The following GRID2 variants were observed in gnomAD, a reference collection of about 807,000 sequenced individuals.
The protein encoded by GRID2 is glutamate receptor ionotropic, delta-2.
In GRID2, 33 loss-of-function variants were observed where a neutral mutation model predicts 114.8. That is an observed-to-expected ratio of 0.29 (90% CI 0.22 to 0.38). The LOEUF (loss-of-function observed/expected upper bound fraction) is 0.38, where lower values mean the gene tolerates loss of function less well. Among genes scored for constraint, GRID2 ranks in the 10% least tolerant of loss-of-function variants. The probability of loss-of-function intolerance (pLI) is 1.00; values close to 1 mark genes in which losing one functional copy is unlikely to be tolerated. For missense variants in GRID2, 1,184 were observed against 1,257.7 expected (o/e 0.94, Z 0.89); for synonymous variants, 505 against 449.9 (o/e 1.12, Z -1.55).
chr4:93,073,820 A>G (rs896238189), intron 2 of GRID2, among the ~76,000 whole-genome samples: 2 of 152,206 alleles, frequency 1.3e-5, no homozygotes, highest in Non-Finnish European at 2.9e-5. Context: ...CCAGAGACCA[A>G]TCACAAATGA....
At chr4:93,797,968 C>T (rs1191031269) in intron 1 of GRID2, among the ~76,000 whole-genome samples, 4 of 151,604 alleles carry the variant, frequency 2.6e-5, no homozygotes, top group Non-Finnish European at 4.4e-5. Context: ...GCCTGACCAA[C>T]ATGTCAAAAC....
intron 2 of GRID2, among the ~76,000 whole-genome samples, chr4:92,709,862 C>T (rs1049676359): frequency 1.3e-5 from 2 of 151,776 alleles, no homozygotes; most frequent in African/African-American, 4.8e-5. Flanking sequence ...TATTAGATTT[C>T]TTGATGCCTA....
intron 1 of GRID2, among the ~76,000 whole-genome samples, chr4:92,404,168 G>A (rs1730923152): frequency 6.6e-6 from 1 of 152,116 alleles, no homozygotes; most frequent in African/African-American, 2.4e-5. Context: ...TCTGCAAAGA[G>A]CAGTAAAGTT....
At chr4:92,876,211 G>C (rs1284043656) in intron 2 of GRID2, among the ~76,000 whole-genome samples, 3 of 151,186 alleles carry the variant, frequency 2.0e-5, no homozygotes, top group Non-Finnish European at 4.4e-5. Context: ...TGACAGTGTG[G>C]ATTCTCTGTT....
At chr4:93,244,311 A>G (rs995416389) in intron 8 of GRID2, among the ~76,000 whole-genome samples, 1 of 151,820 alleles carries the variant, frequency 6.6e-6, no homozygotes, top group Non-Finnish European at 1.5e-5. Context: ...GTGTTTTCTC[A>G]TAAGTTGGTA....
chr4:92,465,516 C>A (rs1232155136), intron 1 of GRID2, among the ~76,000 whole-genome samples: 1 of 151,982 alleles, frequency 6.6e-6, no homozygotes, highest in Non-Finnish European at 1.5e-5. Flanking sequence ...CAATTATATA[C>A]CAGTAGCAAT....
At chr4:93,652,759 G>A (rs1022316531) in intron 14 of GRID2, among the ~76,000 whole-genome samples, 1 of 111,512 alleles carries the variant, frequency 9.0e-6, no homozygotes, top group Non-Finnish European at 1.7e-5. Flanking sequence ...TACAGTCGAT[G>A]AATGACAGTA....
intron 2 of GRID2, among the ~76,000 whole-genome samples, chr4:92,685,132 T>C (rs1419149301): frequency 6.6e-6 from 1 of 152,116 alleles, no homozygotes; most frequent in Non-Finnish European, 1.5e-5. Flanking sequence ...TAATGAATAA[T>C]TGTTAAAATT....
chr4:93,729,172 T>G (rs1730243752), intron 14 of GRID2, among the ~76,000 whole-genome samples: 1 of 152,114 alleles, frequency 6.6e-6, no homozygotes. Flanking sequence ...CTGGGATTAT[T>G]CATGTGAGCC....
intron 14 of GRID2, among the ~76,000 whole-genome samples, chr4:93,759,875 A>T (rs1733060869): frequency 6.6e-6 from 1 of 152,240 alleles, no homozygotes; most frequent in Non-Finnish European, 1.5e-5. Context: ...AAGAAGCAGG[A>T]AATAAAGAGG....
chr4:92,391,119 A>G (rs967168578), intron 1 of GRID2, among the ~76,000 whole-genome samples: 1 of 152,190 alleles, frequency 6.6e-6, no homozygotes, highest in Non-Finnish European at 1.5e-5. Flanking sequence ...GGAGCGCTGA[A>G]TTCTCAAAAA....
At chr4:93,605,761 G>A (rs1740166646) in intron 13 of GRID2, among the ~76,000 whole-genome samples, 1 of 152,188 alleles carries the variant, frequency 6.6e-6, no homozygotes, top group South Asian at 2.1e-4. Context: ...CCTACCAGAA[G>A]TTTACAGTTA....
chr4:93,687,140 A>C (rs549735168), intron 14 of GRID2, among the ~76,000 whole-genome samples: 17 of 152,096 alleles, frequency 1.1e-4, no homozygotes, highest in Admixed American at 3.3e-4. Context: ...GATGGATTGG[A>C]AGTGGAATCT....
intron 13 of GRID2, among the ~76,000 whole-genome samples, chr4:93,601,398 A>G (rs1043300604): frequency 2.0e-5 from 3 of 152,122 alleles, no homozygotes; most frequent in African/African-American, 7.2e-5. Flanking sequence ...TTCATGCCTT[A>G]TTCTTCACTT....
chr4:92,651,148 G>T (rs1396117370), intron 2 of GRID2, among the ~76,000 whole-genome samples: 1 of 152,070 alleles, frequency 6.6e-6, no homozygotes, highest in Non-Finnish European at 1.5e-5. Flanking sequence ...AACATTGTAT[G>T]CCGGAAAGGA....
chr4:92,434,639 T>C (rs990841409), intron 1 of GRID2, among the ~76,000 whole-genome samples: 1 of 152,284 alleles, frequency 6.6e-6, no homozygotes, highest in Middle Eastern at 3.4e-3. Context: ...AGGGTAATTT[T>C]ATATTATTTA....
intron 14 of GRID2, among the ~76,000 whole-genome samples, chr4:93,659,628 C>G (rs1723310389): frequency 6.6e-6 from 1 of 152,040 alleles, no homozygotes; most frequent in East Asian, 1.9e-4. Context: ...ATAAATTTCC[C>G]TGCAGTGAAT....
At chr4:92,774,070 A>C (rs1006349580) in intron 2 of GRID2, among the ~76,000 whole-genome samples, 1 of 152,164 alleles carries the variant, frequency 6.6e-6, no homozygotes, top group East Asian at 1.9e-4. Flanking sequence ...TTAGTTGCAT[A>C]GTGCTATAAA....
intron 3 of GRID2, among the ~76,000 whole-genome samples, chr4:93,105,174 T>C (rs1162547071): frequency 1.3e-5 from 2 of 152,146 alleles, no homozygotes; most frequent in Admixed American, 1.3e-4. Context: ...TTCTTGTAAA[T>C]TTGTTTGAGT....
Sources: gnomAD v4.1 joint callset for allele counts (sites outside exome capture counted in the v4.1 genomes callset) on GRCh38, gnomAD v4.1.1 for gene constraint, MANE v1.5 for transcripts, NCBI Gene and HGNC (gene_info 2026-07-23, HGNC 2026-07-21) for gene names.